The following USP32 variants were observed in gnomAD, a reference collection of about 807,000 sequenced individuals.
The protein encoded by USP32 is ubiquitin carboxyl-terminal hydrolase 32.
In USP32, 59 loss-of-function variants were observed where a neutral mutation model predicts 204.8. That is an observed-to-expected ratio of 0.29 (90% CI 0.23 to 0.36). The LOEUF is 0.36. Ranked by LOEUF, USP32 falls within the 10% of genes least tolerant of loss-of-function variation. The pLI, the probability that USP32 is intolerant of heterozygous loss-of-function variation, is 1.00. For missense variants in USP32, 1,160 were observed against 1,946.4 expected, an observed-to-expected ratio of 0.60 and a Z score of 7.60; for synonymous variants, 517 against 678.4, an observed-to-expected ratio of 0.76 and a Z score of 3.70.
At chr17:60,234,971 A>T (rs1032205078) in intron 12 of USP32, among the ~76,000 whole-genome samples, 3 of 152,076 alleles carry the variant, frequency 2.0e-5, no homozygotes, top group African/African-American at 7.2e-5. Flanking sequence ...TCCCATGTAT[A>T]CCTCTCCCTT....
chr17:60,312,660 A>C (rs1168780436), intron 2 of USP32, among the ~76,000 whole-genome samples: 1 of 152,076 alleles, frequency 6.6e-6, no homozygotes, highest in Non-Finnish European at 1.5e-5. Context: ...CAGGCTAAAA[A>C]ATTTATCCTG....
intron 12 of USP32, among the ~76,000 whole-genome samples, chr17:60,234,177 G>A (rs371645431): frequency 1.3e-5 from 2 of 150,620 alleles, no homozygotes; most frequent in Non-Finnish European, 3.0e-5. Context: ...GCAGTGACGC[G>A]ATCTCGGCTC....
At chr17:60,405,534 G>C (rs970350522) in intron 1 of USP32, among the ~76,000 whole-genome samples, 1 of 152,122 alleles carries the variant, frequency 6.6e-6, no homozygotes, top group Admixed American at 6.6e-5. Context: ...AAATCATGCG[G>C]TTGAATTGCT....
intron 7 of USP32, among the ~76,000 whole-genome samples, chr17:60,266,967 T>C (rs2086608008): frequency 6.6e-6 from 1 of 151,118 alleles, no homozygotes; most frequent in East Asian, 2.0e-4. Flanking sequence ...TTTTGTATTT[T>C]TAGTAGAGAC....
intron 1 of USP32, among the ~76,000 whole-genome samples, chr17:60,417,398 G>A (rs1247369139): frequency 6.6e-6 from 1 of 151,634 alleles, no homozygotes; most frequent in East Asian, 1.9e-4. Flanking sequence ...CTCTTGCCTT[G>A]GCCTCCCAAA....
At chr17:60,363,901 G>T (rs1022130627) in intron 1 of USP32, among the ~76,000 whole-genome samples, 3 of 151,918 alleles carry the variant, frequency 2.0e-5, no homozygotes, top group Non-Finnish European at 4.4e-5. Context: ...GGAAGTGTTG[G>T]GGGGGCACCT....
intron 5 of USP32, among the ~76,000 whole-genome samples, chr17:60,279,380 G>A (rs1160458214): frequency 6.6e-6 from 1 of 151,714 alleles, no homozygotes; most frequent in African/African-American, 2.4e-5. Flanking sequence ...AGCTACTCAG[G>A]AGGCTGAGGC....
intron 2 of USP32, among the ~76,000 whole-genome samples, chr17:60,329,084 A>G (rs1309944689): frequency 6.6e-6 from 1 of 152,232 alleles, no homozygotes; most frequent in African/African-American, 2.4e-5. Context: ...GAGACACCCT[A>G]AAGATGCTGT....
intron 2 of USP32, among the ~76,000 whole-genome samples, chr17:60,306,809 T>C (rs2087735809): frequency 6.6e-6 from 1 of 152,066 alleles, no homozygotes; most frequent in South Asian, 2.1e-4. Context: ...AAAAAACTGT[T>C]AGAACTGATA....
At chr17:60,378,241 A>G (rs1277390116) in intron 1 of USP32, among the ~76,000 whole-genome samples, 1 of 152,178 alleles carries the variant, frequency 6.6e-6, no homozygotes, top group East Asian at 1.9e-4. Context: ...CAAAATGACA[A>G]TACTATGTCA....
At chr17:60,372,680 TA>T (rs994631226) in intron 1 of USP32, among the ~76,000 whole-genome samples, 1,763 of 134,526 alleles carry the variant, frequency 0.013, 20 homozygotes, top group African/African-American at 0.03. Context: ...TTCTCTACAT[TA>T]AAAAAAAAAA....
At chr17:60,282,445 C>T (rs2086991714) in intron 5 of USP32, among the ~76,000 whole-genome samples, 1 of 152,144 alleles carries the variant, frequency 6.6e-6, no homozygotes. Flanking sequence ...CCTCTGCCTC[C>T]CAGGTTCAAG....
At position 60,422,345 on chromosome 17, in the gene USP32, C is replaced by T. The variant is rs370231460; in HGVS notation, c.7G>A (p.Gly3Arg). The change falls in exon 1 of 4, where the codon GGG (glycine) becomes AGG (arginine). Residue 3 changes from glycine (G) to arginine (R), a missense_variant. Physicochemically the swap from Gly to Arg is moderately radical, Grantham distance 125. Transcript: ENST00000588898. ...CTCTGCCAAAGTCTTCGCTCGACCC[C>T]GCACATCTTGCTCCGTTCCCTAGTC... 14 of 953,616 alleles carry T rather than the reference C, an allele frequency of 1.5e-5. No homozygotes were observed. The East Asian group carries it at 3.9e-4, about 27-fold the overall frequency. 59.1% of individuals were successfully genotyped at this position (953,616 alleles called of 1,614,324 possible).
intron 1 of USP32, among the ~76,000 whole-genome samples, chr17:60,360,956 C>G (rs1262225086): frequency 6.6e-6 from 1 of 151,878 alleles, no homozygotes; most frequent in Non-Finnish European, 1.5e-5. Context: ...TGGCGAAACC[C>G]CATCTCTACT....
intron 15 of USP32, among the ~76,000 whole-genome samples, chr17:60,222,086 C>G (rs989030517): frequency 1.3e-5 from 2 of 152,212 alleles, no homozygotes; most frequent in Non-Finnish European, 2.9e-5. Flanking sequence ...GAAATAACCT[C>G]TGCATCACGC....
chr17:60,241,521 G>C (rs1315260616), intron 11 of USP32, among the ~76,000 whole-genome samples: 1 of 151,972 alleles, frequency 6.6e-6, no homozygotes, highest in East Asian at 1.9e-4. Context: ...AGTTGAAATG[G>C]GCAGTTTGTT....
At chr17:60,321,810 G>A (rs897691818) in intron 2 of USP32, among the ~76,000 whole-genome samples, 3 of 151,430 alleles carry the variant, frequency 2.0e-5, no homozygotes, top group Non-Finnish European at 2.9e-5. Flanking sequence ...GTGACCATTC[G>A]TTGTGATGGT....
At position 60,226,210 on chromosome 17, in the gene USP32, C is replaced by G; in HGVS notation, c.1261G>C (p.Glu421Gln). Residue 421 changes from glutamate (E) to glutamine (Q), a missense_variant, in exon 13 of 34, where the codon GAG becomes CAG. Transcript: ENST00000300896. ...VKYDANPVVI[E>Q]PSSVLNGGKY... is the part of the protein sequence containing the mutation. ...CCTCCATTCAAAACAGATGATGGCT[C>G]AATTACCACAGGGTTGGCATCCTAA... 6.4e-7 allele frequency: 1 copy of G among 1,552,556 alleles called. No individual in the cohort carries two copies. Among genetic ancestry groups the G allele is most frequent in the Non-Finnish European group, 8.6e-7 (1 of 1,157,064 alleles).
At chr17:60,318,974 G>A (rs2088049808) in intron 2 of USP32, among the ~76,000 whole-genome samples, 1 of 152,184 alleles carries the variant, frequency 6.6e-6, no homozygotes, top group South Asian at 2.1e-4. Flanking sequence ...ATTATGCTAA[G>A]TGAAATAAGC....
Sources: allele counts gnomAD v4.1 joint callset (sites outside exome capture counted in the v4.1 genomes callset), GRCh38; gene constraint gnomAD v4.1.1; transcripts MANE v1.5; gene names NCBI Gene and HGNC (gene_info 2026-07-23, HGNC 2026-07-21).